Variants in CTNNA3 observed in about 807,000 individuals in gnomAD.
CTNNA3 encodes catenin alpha 3.
In CTNNA3, 76 loss-of-function variants were observed where a neutral mutation model predicts 95.7. The ratio of observed to expected loss-of-function variants is 0.79; its 90% CI spans 0.66 to 0.96. The LOEUF is 0.96. CTNNA3 is among the 40% of genes least tolerant of loss of function. The pLI is 0.00. For missense variants in CTNNA3, 1,191 were observed against 1,089.8 expected (o/e 1.09, Z -1.31); for synonymous variants, 431 against 374.4 (o/e 1.15, Z -1.74).
intron 5 of CTNNA3, among the ~76,000 whole-genome samples, chr10:67,350,289 G>A (rs1022445911): frequency 2.0e-5 from 3 of 152,052 alleles, no homozygotes; most frequent in African/African-American, 7.2e-5. Context: ...ATGAACAAAT[G>A]TTGGTATGAA....
intron 11 of CTNNA3, among the ~76,000 whole-genome samples, chr10:66,453,890 G>T (rs1469571337): frequency 1.3e-5 from 2 of 152,142 alleles, no homozygotes; most frequent in African/African-American, 4.8e-5. Context: ...TACCCAGATT[G>T]TCATCCTCAG....
intron 15 of CTNNA3, among the ~76,000 whole-genome samples, chr10:66,029,161 A>C (rs1162800191): frequency 1.3e-5 from 2 of 152,180 alleles, no homozygotes; most frequent in Non-Finnish European, 2.9e-5. Context: ...CTGCATTCTT[A>C]CATAGCTTCT....
At chr10:67,479,045 A>G (rs1219587841) in intron 5 of CTNNA3, among the ~76,000 whole-genome samples, 1 of 152,208 alleles carries the variant, frequency 6.6e-6, no homozygotes, top group Non-Finnish European at 1.5e-5. Flanking sequence ...GTTTGATTCA[A>G]CAAGACTTAA....
At chr10:67,263,288 A>T (rs569581323) in intron 5 of CTNNA3, among the ~76,000 whole-genome samples, 3 of 152,166 alleles carry the variant, frequency 2.0e-5, no homozygotes, top group Non-Finnish European at 4.4e-5. Flanking sequence ...CAGACCTAGT[A>T]CTATTGTGAT....
intron 15 of CTNNA3, among the ~76,000 whole-genome samples, chr10:66,032,271 AC>A (rs1448202778): frequency 7.9e-5 from 12 of 152,180 alleles, no homozygotes; most frequent in Non-Finnish European, 1.6e-4. Flanking sequence ...AACCTAACTA[AC>A]AAACATTGTT....
At chr10:66,881,786 ATGGAAACTAAATTCATAATCT>A (rs1037337412) in intron 7 of CTNNA3, among the ~76,000 whole-genome samples, 135 of 152,262 alleles carry the variant, frequency 8.9e-4, no homozygotes, top group African/African-American at 3.2e-3. Flanking sequence ...AATAACTCAC[ATGGAAACTAAATTCATAATCT>A]TGGAAACTAA....
intron 6 of CTNNA3, among the ~76,000 whole-genome samples, chr10:67,211,355 G>A (rs896949330): frequency 1.4e-4 from 21 of 151,638 alleles, no homozygotes; most frequent in Non-Finnish European, 2.9e-5. Flanking sequence ...CCTTGAACAC[G>A]ATCTATAATG....
intron 15 of CTNNA3, among the ~76,000 whole-genome samples, chr10:66,005,038 C>A (rs918311884): frequency 6.6e-6 from 1 of 152,160 alleles, no homozygotes; most frequent in Non-Finnish European, 1.5e-5. Flanking sequence ...CATTCTCTCA[C>A]CATTTTCAGC....
At chr10:67,693,098 A>G (rs1342351314) in intron 1 of CTNNA3, among the ~76,000 whole-genome samples, 1 of 152,236 alleles carries the variant, frequency 6.6e-6, no homozygotes, top group Non-Finnish European at 1.5e-5. Context: ...AAAGTCACCT[A>G]TCATATGCTA....
chr10:66,294,093 G>A (rs1306640602), intron 12 of CTNNA3, among the ~76,000 whole-genome samples: 1 of 152,196 alleles, frequency 6.6e-6, no homozygotes, highest in Admixed American at 6.5e-5. Flanking sequence ...TTGTTAACGA[G>A]AATCTTTGGA....
At position 67,691,778 on chromosome 10, in the gene CTNNA3, G is replaced by A. The variant is rs1286539676; in HGVS notation, c.-6+4222C>T. On this transcript the variant is annotated intron_variant, in intron 1 of 17. Coordinates refer to ENST00000433211, the MANE Select transcript of CTNNA3 (RefSeq NM_013266.4). ...AGGGAGGTGGGGGGGTCAGCCCCCC[G>A]CCTGGCCAGCCGCCCCGTCCAGGAG... is the stretch of plus-strand genomic sequence containing the variant. Among the ~76,000 whole-genome samples, 16 of 140,726 alleles carry A rather than the reference G, an allele frequency of 1.1e-4. No homozygotes were observed. In the East Asian group the frequency reaches 1.3e-3, roughly 12 times the overall value. The allele number at this position is 140,726 out of a possible 152,430, so 92.3% of individuals were successfully genotyped here. A position where few individuals can be genotyped will look rare whatever the true frequency, so the allele number is the denominator to read the frequency against.
Position 67,494,736 on chromosome 10 carries a change from C to A in CTNNA3, c.579+27106G>T, listed in dbSNP as rs1020699463. 5.3e-5 allele frequency among the ~76,000 whole-genome samples: 8 copies of A among 152,328 alleles called. No individual in the cohort carries two copies. The South Asian group carries it at 1.4e-3, about 28-fold the overall frequency. The stretch of plus-strand genomic sequence containing the variant: ...GGGCTGCCTCAGAAAGACAGACTAA[C>A]CCATCAAGAATTAAGAATTACTTCT... On this transcript the variant is annotated intron_variant, in intron 5 of 17. Transcript: ENST00000433211.
intron 7 of CTNNA3, among the ~76,000 whole-genome samples, chr10:67,048,390 T>C (rs1458982734): frequency 6.6e-6 from 1 of 152,094 alleles, no homozygotes; most frequent in East Asian, 1.9e-4. Context: ...TACATGATGA[T>C]CAACACCAAG....
chr10:66,816,039 C>T (rs762446449), intron 7 of CTNNA3, among the ~76,000 whole-genome samples: 2 of 152,136 alleles, frequency 1.3e-5, no homozygotes, highest in Non-Finnish European at 1.5e-5. Context: ...TTCGTGTTGA[C>T]GGGCATGCAC....
At chr10:66,716,789 T>C (rs559262652) in intron 9 of CTNNA3, among the ~76,000 whole-genome samples, 3 of 152,292 alleles carry the variant, frequency 2.0e-5, no homozygotes, top group African/African-American at 7.2e-5. Context: ...TCAATATATC[T>C]TGGAGTTGGA....
At chr10:67,415,914 T>C (rs1368825007) in intron 5 of CTNNA3, among the ~76,000 whole-genome samples, 1 of 152,144 alleles carries the variant, frequency 6.6e-6, no homozygotes, top group African/African-American at 2.4e-5. Context: ...CCCTATTCAA[T>C]AAATGGTGCT....
chr10:67,074,342 C>CTT (rs36186252), intron 7 of CTNNA3, among the ~76,000 whole-genome samples: 3,419 of 68,736 alleles, frequency 0.05, 506 homozygotes, highest in African/African-American at 0.1. Context: ...CACTTTAACT[C>CTT]TTTTTTTTTT....
intron 7 of CTNNA3, among the ~76,000 whole-genome samples, chr10:67,007,543 A>G (rs182052706): frequency 6.6e-6 from 1 of 152,216 alleles, no homozygotes; most frequent in East Asian, 1.9e-4. Flanking sequence ...AATTAGGTCA[A>G]ACTTGGAATC....
chr10:66,051,257 GT>G (rs1021834520), intron 15 of CTNNA3, among the ~76,000 whole-genome samples: 1 of 152,154 alleles, frequency 6.6e-6, no homozygotes, highest in Admixed American at 6.5e-5. Flanking sequence ...TTCAGATTTT[GT>G]TTTTTACGTG....
Sources: allele counts gnomAD v4.1 joint callset (sites outside exome capture counted in the v4.1 genomes callset), GRCh38; gene constraint gnomAD v4.1.1; transcripts MANE v1.5; gene names NCBI Gene and HGNC (gene_info 2026-07-23, HGNC 2026-07-21).